The following NOS3 variants were observed in gnomAD, a reference collection of about 807,000 sequenced individuals.
NOS3 encodes the protein nitric oxide synthase 3, also known as NOS type III.
Under a neutral mutation model 144.9 loss-of-function variants are expected in NOS3, and 98 were observed. The ratio of observed to expected loss-of-function variants is 0.68; its 90% CI spans 0.57 to 0.80. The LOEUF is 0.80. Ranked by LOEUF, NOS3 falls within the 30% of genes least tolerant of loss-of-function variation. The pLI is 0.00. For missense variants in NOS3, 1,465 were observed against 1,656.4 expected (o/e 0.88, Z 2.01); for synonymous variants, 714 against 702.4 (o/e 1.02, Z -0.26).
intron 20 of NOS3, 107 bp downstream of exon 20, chr7:151,009,692 T>G (rs1795265126): frequency 1.1e-6 from 1 of 924,094 alleles, no homozygotes; most frequent in East Asian, 2.7e-5. Context: ...GGTGGCCACC[T>G]CCTCCACAGC....
Position 150,993,366 on chromosome 7 carries a change from C to T in NOS3, c.-51-387C>T, listed in dbSNP as rs1223401292. Among the ~76,000 whole-genome samples, 4 of 152,304 alleles carry T rather than the reference C, an allele frequency of 2.6e-5. No individual in the cohort carries two copies. Among genetic ancestry groups the T allele is most frequent in the African/African-American group, 4.8e-5 (2 of 41,552 alleles). On this transcript the variant is annotated intron_variant, in intron 1 of 26. Transcript: ENST00000297494. This position sits in a 1 kb window ranked among gnomAD's most constrained non-coding sequence, Gnocchi z 4.0. Reference sequence around the variant, plus strand: ...GGGCTGCCATCCCCTGCTACAGAAACGGTGCTCACCTTCTGCCCAACCCTC... The same window carrying T: ...GGGCTGCCATCCCCTGCTACAGAAATGGTGCTCACCTTCTGCCCAACCCTC...
chr7:151,013,163 C>G, intron 24 of NOS3, 68 bp from the exon 25 acceptor site: 1 of 1,533,148 alleles, frequency 6.5e-7, no homozygotes. Context: ...GCGACGGTGG[C>G]CTGTGGGGAG....
chr7:151,013,911 T>G lies in NOS3; in HGVS notation c.3443T>G (p.Val1148Gly). 6.3e-7 allele frequency: 1 copy of G among 1,599,472 alleles called. No individual in the cohort carries two copies. The highest frequency in any genetic ancestry group is 8.5e-7 in the Non-Finnish European group (1 of 1,173,220). The change falls in exon 26 of 27, where the codon GTG becomes GGG. Residue 1148 changes from valine to glycine, a missense_variant. Val to Gly is a moderately radical substitution (Grantham distance 109). Transcript: ENST00000297494. ...ELDEAGDVIGVLRDQQRYHED... is the reference protein window; with the variant it reads ...ELDEAGDVIGGLRDQQRYHED... ...GACGAGGCCGGCGACGTCATCGGCGTGCTGCGGGTGCGGAGGGGCGGGCCG... is the reference window on the plus strand; with the variant it reads ...GACGAGGCCGGCGACGTCATCGGCGGGCTGCGGGTGCGGAGGGGCGGGCCG...
At position 151,010,982 on chromosome 7, in the gene NOS3, C is replaced by T; in HGVS notation, c.2980C>T (p.Arg994Trp). The T allele has an allele frequency of 6.2e-7, 1 of 1,611,954 alleles. No homozygotes were observed. Among genetic ancestry groups the T allele is most frequent in the Non-Finnish European group, 8.5e-7 (1 of 1,178,532 alleles). The stretch of plus-strand genomic sequence containing the variant: ...CGGAGACCCTGTGCCCTGCTTCATC[C>T]GGGGGTAAGTGAGATGGAAGACTTG... ...KPGDPVPCFI[R>W]GAPSFRLPPD... Residue 994 changes from arginine (R) to tryptophan (W), a missense_variant, in exon 23 of 27, where the codon CGG becomes TGG. Physicochemically the swap from Arg to Trp is moderately radical, Grantham distance 101. Transcript: ENST00000297494.
chr7:151,003,258 T>G lies in NOS3; in HGVS notation c.1752+954T>G, dbSNP rs552004899. 15 of 460,460 alleles carry G rather than the reference T, an allele frequency of 3.3e-5. No individual in the cohort carries two copies. Among genetic ancestry groups the G allele is most frequent in the South Asian group, 1.9e-4 (12 of 64,352 alleles). The allele number at this position is 460,460 out of a possible 1,614,324, so 28.5% of individuals were successfully genotyped here. On this transcript the variant is annotated intron_variant, in intron 14 of 26. Coordinates refer to ENST00000297494, the MANE Select transcript of NOS3 (RefSeq NM_000603.5). This position sits in a 1 kb window ranked among gnomAD's most constrained non-coding sequence, Gnocchi z 4.1. ...CTCCCACTTCAACCTCCCAAGTAGT[T>G]GGGACTACAGGCGCATGCCATGATG...
rs1162836278 is a variant in NOS3, at chr7:151,014,281, G to C, written c.*112G>C. ...CTTGAGGTGGTGCCTTCTCACATCT[G>C]TCCAGAGGCTGCAAGGATTCAGCAT... On this transcript the variant is annotated 3_prime_UTR_variant, in exon 27 of 27. Coordinates refer to ENST00000297494, the MANE Select transcript of NOS3 (RefSeq NM_000603.5). 2.7e-6 allele frequency: 3 copies of C among 1,094,518 alleles called. No individual in the cohort carries two copies. In the African/African-American group the frequency reaches 4.7e-5, roughly 17 times the overall value. 67.8% of individuals were successfully genotyped at this position (1,094,518 alleles called of 1,614,324 possible). A position where few individuals can be genotyped will look rare whatever the true frequency, so the allele number is the denominator to read the frequency against.
At chr7:151,010,425 C>G in intron 21 of NOS3, 138 bp downstream of exon 21, 1 of 1,048,278 alleles carries the variant, frequency 9.5e-7, no homozygotes, top group South Asian at 1.6e-5. Flanking sequence ...CTTTAAGACC[C>G]AGCTCCTCAG....
chr7:150,991,996 C>CAA (rs796976419), intron 1 of NOS3, among the ~76,000 whole-genome samples: 6 of 106,700 alleles, frequency 5.6e-5, no homozygotes, highest in African/African-American at 1.0e-4. Flanking sequence ...GACTCTGTCT[C>CAA]AAAAAAAAAA....
rs1299476192 is a variant in NOS3 at position 150,996,473 on chromosome 7, TCCCCCGGCCCC to T, written c.343_353del (p.Pro115GlyfsTer3). On this transcript the variant is annotated frameshift_variant, in exon 4 of 27. Coordinates refer to ENST00000297494, the MANE Select transcript of NOS3 (RefSeq NM_000603.5). LOFTEE classifies it high-confidence loss of function. The stretch of plus-strand genomic sequence containing the variant: ...TCCACGGAAACTACAGGGCCGGCCC[TCCCCCGGCCCC>T]CCGGCCCCTGAGCAGCTGCTGAGTC... 4 of 1,588,278 alleles carry T rather than the reference TCCCCCGGCCCC, an allele frequency of 2.5e-6. No homozygotes were observed. The highest frequency in any genetic ancestry group is 2.6e-6 in the Non-Finnish European group (3 of 1,168,656).
chr7:150,995,457 AGAG>A, intron 3 of NOS3, 143 bp downstream of exon 3: 1 of 596,160 alleles, frequency 1.7e-6, no homozygotes, highest in Non-Finnish European at 3.0e-6. Context: ...GGGAAGAACC[AGAG>A]GAGTTGAGGG....
At chr7:151,012,255 A>G in intron 23 of NOS3, 96 bp from the exon 24 acceptor site, 4 of 771,464 alleles carry the variant, frequency 5.2e-6, no homozygotes, top group Non-Finnish European at 3.6e-6. Context: ...TTGAGATGGG[A>G]AGAACTTGGG....
In NOS3 at chr7:150,998,969, C is replaced by G; in HGVS notation, c.840C>G (p.Thr280=). The G allele has an allele frequency of 6.2e-7, 1 of 1,612,540 alleles. No homozygotes were observed. Among genetic ancestry groups the G allele is most frequent in the Non-Finnish European group, 8.5e-7 (1 of 1,179,888 alleles). ...AGCTCTGCATTCAGCACGGCTGGAC[C>G]CCAGGAAACGGTCGCTTCGACGTGC... ...ITELCIQHGW[T]PGNGRFDVLP... The change falls in exon 8 of 27, where the codon ACC becomes ACG. Residue 280 remains threonine, a synonymous_variant. Coordinates refer to ENST00000297494, the MANE Select transcript of NOS3 (RefSeq NM_000603.5). The surrounding 1 kb of genome is among the most constrained non-coding windows in gnomAD (Gnocchi z 5.0).
At position 151,009,180 on chromosome 7, in the gene NOS3, C is replaced by G; in HGVS notation, c.2246-9C>G. 6.2e-7 allele frequency: 1 copy of G among 1,613,888 alleles called. No homozygotes were observed. Among genetic ancestry groups the G allele is most frequent in the Non-Finnish European group, 8.5e-7 (1 of 1,179,842 alleles). ...TCAGGCTGCCTCATTTGCCCCTCCC[C>G]GCCCCCAGGTCTGATCCACGTGCAC... On this transcript the variant is annotated splice_polypyrimidine_tract_variant and intron_variant, in intron 18 of 26. Coordinates refer to ENST00000297494, the MANE Select transcript of NOS3 (RefSeq NM_000603.5).
In NOS3 at chr7:151,002,384, AC is replaced by A; in HGVS notation, c.1752+81del. 8.9e-5 allele frequency: 2 copies of A among 22,580 alleles called. No homozygotes were observed. The highest frequency in any genetic ancestry group is 1.5e-4 in the Non-Finnish European group (2 of 13,664). The allele number at this position is 22,580 out of a possible 1,614,324, so 1.4% of individuals were successfully genotyped here. ...GTGACTGGGCAGGAACCTCTGCCCA[AC>A]ACACACACACACACACACACACACA... On this transcript the variant is annotated intron_variant, in intron 14 of 26. Coordinates refer to ENST00000297494, the MANE Select transcript of NOS3 (RefSeq NM_000603.5). This position sits in a 1 kb window ranked among gnomAD's most constrained non-coding sequence, Gnocchi z 4.1.
chr7:151,010,251 G>A lies in NOS3; in HGVS notation c.2649G>A (p.Glu883=). 6.2e-7 allele frequency: 1 copy of A among 1,613,052 alleles called. No individual in the cohort carries two copies. Residue 883 remains glutamate (E), a synonymous_variant, in exon 21 of 27, where the codon GAG becomes GAA. Coordinates refer to ENST00000297494, the MANE Select transcript of NOS3 (RefSeq NM_000603.5). ...LLRLLSTLAE[E]PREQQELEAL... ...GGCTGCTCAGCACCTTGGCAGAAGA[G>A]CCCAGGGAACAGCAGGAGCTGGAGG...
chr7:151,009,564 C>A lies in NOS3; in HGVS notation c.2491C>A (p.Gln831Lys). The change falls in exon 20 of 27, where the codon CAG becomes AAG. Residue 831 changes from glutamine to lysine, a missense_variant. Coordinates refer to ENST00000297494, the MANE Select transcript of NOS3 (RefSeq NM_000603.5). Reference protein sequence around the residue: ...PAPTEPVAVEQLEKGSPGGPP... With the variant: ...PAPTEPVAVEKLEKGSPGGPP... ...GCCCACTGAGCCCGTGGCAGTAGAG[C>A]AGCTGGAGAAGGGCAGCCCTGGTGA... 1 of 1,539,826 alleles carries A rather than the reference C, an allele frequency of 6.5e-7. No individual in the cohort carries two copies. Among genetic ancestry groups the A allele is most frequent in the Non-Finnish European group, 8.7e-7 (1 of 1,142,936 alleles).
In NOS3 at chr7:150,993,892, G is replaced by T; in HGVS notation, c.89G>T (p.Gly30Val). Residue 30 changes from glycine (G) to valine (V), a missense_variant, in exon 2 of 27, where the codon GGC (glycine) becomes GTC (valine). Coordinates refer to ENST00000297494, the MANE Select transcript of NOS3 (RefSeq NM_000603.5). The surrounding 1 kb of genome is among the most constrained non-coding windows in gnomAD (Gnocchi z 4.0). ...GGCCTTGGGCTGTGCGGCAAGCAGGGCCCAGCCACCCCGGCCCCTGAGCCC... is the reference window on the plus strand; with the variant it reads ...GGCCTTGGGCTGTGCGGCAAGCAGGTCCCAGCCACCCCGGCCCCTGAGCCC... Reference protein sequence around the residue: ...GLGLGLCGKQGPATPAPEPSR... With the variant: ...GLGLGLCGKQVPATPAPEPSR... 1.2e-6 allele frequency: 2 copies of T among 1,600,098 alleles called. No homozygotes were observed. Among genetic ancestry groups the T allele is most frequent in the Non-Finnish European group, 8.5e-7 (1 of 1,174,716 alleles).
At position 150,998,969 on chromosome 7, in the gene NOS3, C is replaced by T. The variant is rs1484210241; in HGVS notation, c.840C>T (p.Thr280=). The stretch of plus-strand genomic sequence containing the variant: ...AGCTCTGCATTCAGCACGGCTGGAC[C>T]CCAGGAAACGGTCGCTTCGACGTGC... The part of the protein sequence containing the change: ...ITELCIQHGW[T]PGNGRFDVLP... Residue 280 remains threonine (T), a synonymous_variant, in exon 8 of 27, where the codon ACC becomes ACT. Coordinates refer to ENST00000297494, the MANE Select transcript of NOS3 (RefSeq NM_000603.5). The surrounding 1 kb of genome is among the most constrained non-coding windows in gnomAD (Gnocchi z 5.0). The T allele has an allele frequency of 1.2e-6, 2 of 1,612,422 alleles. No homozygotes were observed. The highest frequency in any genetic ancestry group is 1.3e-5 in the African/African-American group (1 of 74,892).
intron 1 of NOS3, among the ~76,000 whole-genome samples, chr7:150,992,699 TG>T (rs1468460726): frequency 6.6e-6 from 1 of 151,902 alleles, no homozygotes; most frequent in Non-Finnish European, 1.5e-5. Context: ...TTTGTTTGTC[TG>T]TCTGTCTGCT....
Sources: allele counts gnomAD v4.1 joint callset (sites outside exome capture counted in the v4.1 genomes callset), GRCh38; gene constraint gnomAD v4.1.1; non-coding constraint Gnocchi (gnomAD v3.1); transcripts MANE v1.5; gene names NCBI Gene and HGNC (gene_info 2026-07-23, HGNC 2026-07-21).